Variants in ALAD observed in about 807,000 individuals in gnomAD.
ALAD encodes the protein delta-aminolevulinic acid dehydratase.
In ALAD, 20 loss-of-function variants were observed where a neutral mutation model predicts 44.4. The ratio of observed to expected loss-of-function variants is 0.45; its 90% CI spans 0.32 to 0.65. The LOEUF (loss-of-function observed/expected upper bound fraction) is 0.65, where lower values mean the gene tolerates loss of function less well. ALAD is among the 30% of genes least tolerant of loss of function. The pLI, the probability that ALAD is intolerant of heterozygous loss-of-function variation, is 0.05. For synonymous variants in ALAD, 156 were observed against 167.9 expected (o/e 0.93, Z 0.55); for missense variants, 323 against 445.7 (o/e 0.72, Z 2.48).
At chr9:113,392,009 C>CT in intron 3 of ALAD, 110 bp downstream of exon 3, 1 of 1,110,916 alleles carries the variant, frequency 9.0e-7, no homozygotes, top group Non-Finnish European at 1.3e-6. Flanking sequence ...GAGCTAATGT[C>CT]TGTCTGTCCG....
chr9:113,395,948 C>G (rs973692981), intron 1 of ALAD, among the ~76,000 whole-genome samples: 3 of 152,106 alleles, frequency 2.0e-5, no homozygotes, highest in African/African-American at 7.2e-5. Context: ...AATCCCAGCA[C>G]TTTGGGAGGC....
chr9:113,393,629 C>G lies in ALAD; in HGVS notation c.-70G>C. Reference sequence around the variant, plus strand: ...GGGCTCCTGGGGCATTGGCTGCAGGCTCTGTCTGTGGGGGGTGATGGGTGG... The same window carrying G: ...GGGCTCCTGGGGCATTGGCTGCAGGGTCTGTCTGTGGGGGGTGATGGGTGG... On this transcript the variant is annotated 5_prime_UTR_variant, in exon 2 of 12. Transcript: ENST00000409155. The G allele has an allele frequency of 7.6e-7, 1 of 1,313,352 alleles. No individual in the cohort carries two copies. The highest frequency in any genetic ancestry group is 1.1e-6 in the Non-Finnish European group (1 of 909,324). 81.4% of individuals were successfully genotyped at this position (1,313,352 alleles called of 1,614,324 possible).
intron 2 of ALAD, chr9:113,393,059 C>T (rs1588085349): frequency 4.4e-6 from 1 of 225,858 alleles, no homozygotes; most frequent in Admixed American, 4.9e-5. Context: ...ACCTCGTGAT[C>T]CGCCTGCCTC....
intron 2 of ALAD, among the ~76,000 whole-genome samples, chr9:113,392,708 C>G (rs1160241414): frequency 6.6e-6 from 1 of 152,004 alleles, no homozygotes; most frequent in African/African-American, 2.4e-5. Context: ...TACAAATGCT[C>G]TCAGAATTGA....
intron 3 of ALAD, among the ~76,000 whole-genome samples, chr9:113,391,846 G>A (rs963186045): frequency 2.6e-5 from 4 of 152,156 alleles, no homozygotes; most frequent in African/African-American, 9.7e-5. Context: ...AGGCTCCTTC[G>A]AGGCCCTCTT....
At chr9:113,388,464 G>A in intron 11 of ALAD, 103 bp from the exon 12 acceptor site, 2 of 1,076,476 alleles carry the variant, frequency 1.9e-6, no homozygotes, top group East Asian at 4.7e-5. Context: ...CTACCATGAA[G>A]AAGCACAGCC....
At chr9:113,397,031 G>A (rs1214264196) in intron 1 of ALAD, 2 of 152,268 alleles carry the variant, frequency 1.3e-5, no homozygotes, top group Admixed American at 1.3e-4. Flanking sequence ...GGTCCAGAGA[G>A]GGGCAAGGAC....
chr9:113,390,533 C>G (rs770394897), intron 6 of ALAD, 40 bp from the exon 7 acceptor site: 2 of 1,613,524 alleles, frequency 1.2e-6, no homozygotes, highest in Admixed American at 1.7e-5. Flanking sequence ...CTGGGGCCCT[C>G]CTAGCCACTC....
Position 113,389,814 on chromosome 9 carries a change from G to A in ALAD, c.585C>T (p.Ser195=). ...AACAGGAAGCAAATTTGGCACTGTA[G>A]CTCATCACCGATACCTATGGGGAGA... The part of the protein sequence containing the change: ...HGLGNRVSVM[S]YSAKFASCFY... The change falls in exon 8 of 12, where the codon AGC becomes AGT. Residue 195 remains serine (S), a synonymous_variant. Coordinates refer to ENST00000409155, the MANE Select transcript of ALAD (RefSeq NM_000031.6). 1.2e-6 allele frequency: 2 copies of A among 1,614,246 alleles called. No homozygotes were observed. The highest frequency in any genetic ancestry group is 2.2e-5 in the South Asian group (2 of 91,084).
At position 113,388,266 on chromosome 9, in the gene ALAD, A is replaced by G; in HGVS notation, c.*34T>C. Reference sequence around the variant, plus strand: ...TTGTCTGAGGCCCCGGGAACGTTTTAAAGTTCTAGTTCTTGGGCCTGGCAC... The same window carrying G: ...TTGTCTGAGGCCCCGGGAACGTTTTGAAGTTCTAGTTCTTGGGCCTGGCAC... On this transcript the variant is annotated 3_prime_UTR_variant, in exon 12 of 12. Transcript: ENST00000409155. 1 of 1,611,624 alleles carries G rather than the reference A, an allele frequency of 6.2e-7. No individual in the cohort carries two copies. Among genetic ancestry groups the G allele is most frequent in the Non-Finnish European group, 8.5e-7 (1 of 1,177,742 alleles).
At position 113,392,113 on chromosome 9, in the gene ALAD, T is replaced by C. The variant is rs955577036; in HGVS notation, c.164+6A>G. On this transcript the variant is annotated splice_donor_region_variant and intron_variant, in intron 3 of 11. Coordinates refer to ENST00000409155, the MANE Select transcript of ALAD (RefSeq NM_000031.6). ...CCCGCTGGCCCCCCAACTCCACGTC[T>C]CCTACCTGGCCACTCCTGGGAGGCT... 6.2e-7 allele frequency: 1 copy of C among 1,610,350 alleles called. No individual in the cohort carries two copies. Among genetic ancestry groups the C allele is most frequent in the African/African-American group, 1.3e-5 (1 of 74,966 alleles).
At chr9:113,395,922 G>A (rs1011573824) in intron 1 of ALAD, among the ~76,000 whole-genome samples, 1 of 151,838 alleles carries the variant, frequency 6.6e-6, no homozygotes, top group Non-Finnish European at 1.5e-5. Context: ...GGCCAGGCAC[G>A]GTGGCTCACG....
intron 1 of ALAD, among the ~76,000 whole-genome samples, chr9:113,394,340 C>T (rs945068470): frequency 3.3e-5 from 5 of 151,118 alleles, no homozygotes; most frequent in African/African-American, 1.2e-4. Flanking sequence ...GAGTTCGAGA[C>T]CAGCCTGGGC....
At chr9:113,389,154 G>C (rs541607831) in intron 10 of ALAD, 48 bp from the exon 11 acceptor site, 3 of 1,611,292 alleles carry the variant, frequency 1.9e-6, no homozygotes, top group Admixed American at 3.4e-5. Flanking sequence ...GGGTGGATGT[G>C]GCTCTGGAAG....
In ALAD at chr9:113,393,550, G is replaced by A. The variant is rs759781159; in HGVS notation, c.10C>T (p.Gln4Ter). 1 of 1,613,404 alleles carries A rather than the reference G, an allele frequency of 6.2e-7. No homozygotes were observed. Among genetic ancestry groups the A allele is most frequent in the Admixed American group, 1.7e-5 (1 of 60,032 alleles). The change falls in exon 2 of 12, where the codon CAG becomes TAG. Residue 4 changes from glutamine (Q) to a stop codon, truncating the protein, a stop_gained. Coordinates refer to ENST00000409155, the MANE Select transcript of ALAD (RefSeq NM_000031.6). LOFTEE classifies it high-confidence loss of function. The stretch of plus-strand genomic sequence containing the variant: ...AAGTAGCCGCTGTGCAGAACGGACT[G>A]GGGCTGCATGGCGTGGGCCAGTGGG... The part of the protein sequence containing the change: MQP[Q>*]SVLHSGYFHP...
chr9:113,388,942 G>A (rs1414861315), intron 11 of ALAD, 35 bp downstream of exon 11: 5 of 1,613,622 alleles, frequency 3.1e-6, no homozygotes, highest in Non-Finnish European at 4.2e-6. Flanking sequence ...AGTCCCTGTG[G>A]CGCAGGTCAA....
intron 4 of ALAD, among the ~76,000 whole-genome samples, chr9:113,391,169 G>A (rs1040142449): frequency 2.9e-4 from 44 of 152,264 alleles, no homozygotes; most frequent in African/African-American, 1.1e-3. Context: ...CAGTCAGTGT[G>A]GACCCTCAGT....
chr9:113,399,757 T>G (rs537860609), intron 1 of ALAD, among the ~76,000 whole-genome samples: 1 of 152,212 alleles, frequency 6.6e-6, no homozygotes, highest in South Asian at 2.1e-4. Flanking sequence ...ATGCTGAGGA[T>G]TCCAGAGGCT....
chr9:113,391,625 T>TGTGTGG lies in ALAD; in HGVS notation c.165-8_165-3dup. 1 of 1,608,140 alleles carries TGTGTGG rather than the reference T, an allele frequency of 6.2e-7. No homozygotes were observed. Among genetic ancestry groups the TGTGTGG allele is most frequent in the Non-Finnish European group, 8.5e-7 (1 of 1,174,574 alleles). On this transcript the variant is annotated splice_polypyrimidine_tract_variant and splice_region_variant and intron_variant, in intron 3 of 11. Coordinates refer to ENST00000409155, the MANE Select transcript of ALAD (RefSeq NM_000031.6). ...TCTTCCAGCCGCTTCACACCATACC[T>TGTGTGG]GTGTGGGTGTGGGTAGAGGGGTTGA...
Sources: allele counts gnomAD v4.1 joint callset (sites outside exome capture counted in the v4.1 genomes callset), GRCh38; gene constraint gnomAD v4.1.1; transcripts MANE v1.5; gene names NCBI Gene and HGNC (gene_info 2026-07-23, HGNC 2026-07-21).